The following SGCG variants were observed in gnomAD, a reference collection of about 807,000 sequenced individuals.
SGCG encodes gamma-sarcoglycan.
In SGCG, 26 loss-of-function variants were observed where a neutral mutation model predicts 29.3. That is an observed-to-expected ratio of 0.89 (90% CI 0.65 to 1.23). The LOEUF is 1.23. SGCG is among the 50% of genes most tolerant of loss of function. The pLI is 0.00. For synonymous variants in SGCG, 145 were observed against 129.7 expected (o/e 1.12, Z -0.80); for missense variants, 353 against 356.0 (o/e 0.99, Z 0.07).
Position 23,266,587 on chromosome 13 carries a change from C to T in SGCG, c.386-12772C>T, listed in dbSNP as rs142420094. 2.6e-3 allele frequency among the ~76,000 whole-genome samples: 389 copies of T among 152,272 alleles called. 1 individual carries two copies. Among genetic ancestry groups the T allele is most frequent in the Non-Finnish European group, 4.1e-3 (280 of 68,018 alleles). The stretch of plus-strand genomic sequence containing the variant: ...TGAGAAGTGGGTGAGAGATGAAAAA[C>T]TACCTATTGGGTACTATGTACACTA... On this transcript the variant is annotated intron_variant, in intron 4 of 7. Transcript: ENST00000218867.
intron 5 of SGCG, among the ~76,000 whole-genome samples, chr13:23,287,756 G>GTTTGT (rs1555244428): frequency 5.3e-5 from 8 of 151,774 alleles, no homozygotes; most frequent in South Asian, 4.2e-4. Context: ...TTGTTTGTTT[G>GTTTGT]TTTGTTTTGT....
intron 2 of SGCG, among the ~76,000 whole-genome samples, chr13:23,213,932 C>G (rs1205205076): frequency 6.6e-6 from 1 of 152,208 alleles, no homozygotes; most frequent in East Asian, 1.9e-4. Context: ...GGCAGTGTGG[C>G]CTCAGCTGCA....
At chr13:23,281,061 A>G (rs1220871216) in intron 5 of SGCG, among the ~76,000 whole-genome samples, 1 of 152,140 alleles carries the variant, frequency 6.6e-6, no homozygotes, top group Non-Finnish European at 1.5e-5. Flanking sequence ...GGGGCCAGGC[A>G]GAGTGGTTCA....
Position 23,186,272 on chromosome 13 carries a change from G to T in SGCG, c.-1+5197G>T, listed in dbSNP as rs533828065. ...TGGCTGAGCATTTGCTCTCAAAATG[G>T]CCAGAGGAATACCAGCAAATGCCTT... On this transcript the variant is annotated intron_variant, in intron 1 of 7. Coordinates refer to ENST00000218867, the MANE Select transcript of SGCG (RefSeq NM_000231.3). Among the ~76,000 whole-genome samples the T allele has an allele frequency of 2.0e-5, 3 of 152,296 alleles. No individual in the cohort carries two copies. In the East Asian group the frequency reaches 5.8e-4, roughly 29 times the overall value.
the SGCG span, among the ~76,000 whole-genome samples, chr13:23,168,904 G>A: frequency 6.6e-6 from 1 of 151,938 alleles, no homozygotes. Flanking sequence ...ATTACATTCA[G>A]TAATATGGTT....
chr13:23,172,802 C>A, the SGCG span, among the ~76,000 whole-genome samples: 1 of 152,136 alleles, frequency 6.6e-6, no homozygotes. Flanking sequence ...CACAGATTAG[C>A]CTATGCTGAA....
chr13:23,214,251 A>G (rs758463760), intron 2 of SGCG, among the ~76,000 whole-genome samples: 10 of 152,120 alleles, frequency 6.6e-5, no homozygotes, highest in Non-Finnish European at 1.3e-4. Context: ...CCCTGCTATA[A>G]AAACCCCTAG....
intron 4 of SGCG, 55 bp from the exon 5 acceptor site, chr13:23,279,304 G>C (rs1356400449): frequency 1.1e-5 from 17 of 1,571,658 alleles, no homozygotes; most frequent in Non-Finnish European, 1.4e-5. Context: ...TAAAAATAGA[G>C]ATTTGGACAC....
chr13:23,229,279 T>G (rs549483077), intron 2 of SGCG, among the ~76,000 whole-genome samples: 27 of 152,322 alleles, frequency 1.8e-4, no homozygotes, highest in Non-Finnish European at 3.1e-4. Context: ...TGTGTCTTTA[T>G]AGTAGAACAA....
intron 6 of SGCG, among the ~76,000 whole-genome samples, chr13:23,305,678 T>C (rs1397969895): frequency 6.6e-6 from 1 of 152,206 alleles, no homozygotes; most frequent in African/African-American, 2.4e-5. Context: ...AGAAAGCACA[T>C]ATCAATTTCT....
chr13:23,168,406 ACCTCTTTTGT>A, the SGCG span, among the ~76,000 whole-genome samples: 1 of 151,906 alleles, frequency 6.6e-6, no homozygotes, highest in African/African-American at 2.4e-5. Flanking sequence ...AGAACAAGAG[ACCTCTTTTGT>A]CCTGTTCATG....
chr13:23,284,539 T>G (rs1381962205), intron 5 of SGCG, among the ~76,000 whole-genome samples: 1 of 152,206 alleles, frequency 6.6e-6, no homozygotes, highest in African/African-American at 2.4e-5. Context: ...TTCCTTGCAT[T>G]GGGTTATAAC....
intron 6 of SGCG, among the ~76,000 whole-genome samples, chr13:23,316,584 A>G (rs1261510000): frequency 6.6e-6 from 1 of 152,206 alleles, no homozygotes; most frequent in Non-Finnish European, 1.5e-5. Context: ...GCTCTGAATC[A>G]GCGTCCAATA....
At chr13:23,160,736 CCT>C in the SGCG span, among the ~76,000 whole-genome samples, 2 of 152,162 alleles carry the variant, frequency 1.3e-5, no homozygotes, top group Non-Finnish European at 2.9e-5. Flanking sequence ...TAAACTAACC[CCT>C]CTGTTGTTAG....
At chr13:23,184,250 A>G (rs796224713) in intron 1 of SGCG, among the ~76,000 whole-genome samples, 3 of 152,376 alleles carry the variant, frequency 2.0e-5, no homozygotes, top group African/African-American at 7.2e-5. Context: ...ATTTAGAAGC[A>G]CAGTATAGTT....
At chr13:23,287,995 T>C (rs9510673) in intron 5 of SGCG, among the ~76,000 whole-genome samples, 65,724 of 151,886 alleles carry the variant, frequency 0.43, 15,039 homozygotes, top group Middle Eastern at 0.65. Flanking sequence ...CCTCGTGATC[T>C]GCCCGCCTCA....
At chr13:23,219,295 C>T (rs763845868) in intron 2 of SGCG, among the ~76,000 whole-genome samples, 6 of 152,126 alleles carry the variant, frequency 3.9e-5, no homozygotes, top group South Asian at 2.1e-4. Flanking sequence ...GATATGCCTG[C>T]CTTGGCCTCC....
At chr13:23,322,765 T>TCCCCCCCCC (rs1189871837) in intron 7 of SGCG, among the ~76,000 whole-genome samples, 1,636 of 61,422 alleles carry the variant, frequency 0.027, 14 homozygotes, top group Non-Finnish European at 0.032. Flanking sequence ...CCCCCACCCA[T>TCCCCCCCCC]CCACCTCCCC....
chr13:23,307,442 TTA>T (rs1463362528), intron 6 of SGCG, among the ~76,000 whole-genome samples: 1 of 152,190 alleles, frequency 6.6e-6, no homozygotes, highest in African/African-American at 2.4e-5. Context: ...TTAAAAAAAG[TTA>T]TCTTTTTTCA....
Sources: allele counts gnomAD v4.1 joint callset (sites outside exome capture counted in the v4.1 genomes callset), GRCh38; gene constraint gnomAD v4.1.1; transcripts MANE v1.5; gene names NCBI Gene and HGNC (gene_info 2026-07-23, HGNC 2026-07-21).